NRG3: variants seen among roughly 807,000 people sequenced by gnomAD.
NRG3 encodes neuregulin 3.
A neutral mutation model predicts 66.9 loss-of-function variants in NRG3; 31 were observed. The ratio of observed to expected loss-of-function variants is 0.46; its 90% CI spans 0.35 to 0.63. The LOEUF (loss-of-function observed/expected upper bound fraction) is 0.63, where lower values mean the gene tolerates loss of function less well. NRG3 is among the 20% of genes least tolerant of loss of function. The pLI is 0.00. For missense variants in NRG3, 910 were observed against 878.9 expected (o/e 1.04, Z -0.45); for synonymous variants, 393 against 359.4 (o/e 1.09, Z -1.06).
chr10:81,875,478 C>T lies in NRG3; in HGVS notation c.138C>T (p.Ala46=), dbSNP rs1841534767. The change falls in exon 1 of 9, where the codon GCC becomes GCT. Residue 46 remains alanine (A), a synonymous_variant. Transcript: ENST00000372141. This position sits in a 1 kb window ranked among gnomAD's most constrained non-coding sequence, Gnocchi z 5.3. ...GGPDGGGEGA[A]EPPRELRCSD... ...CGGACGGCGGCGGCGAAGGGGCGGC[C>T]GAGCCCCCCCGGGAGTTACGCTGTA... The T allele has an allele frequency of 1.5e-6, 2 of 1,331,420 alleles. No homozygotes were observed. The highest frequency in any genetic ancestry group is 5.3e-5 in the Admixed American group (2 of 37,824). The allele number at this position is 1,331,420 out of a possible 1,614,324, so 82.5% of individuals were successfully genotyped here.
intron 6 of NRG3, among the ~76,000 whole-genome samples, chr10:82,970,582 T>C (rs1249801919): frequency 6.6e-6 from 1 of 152,178 alleles, no homozygotes; most frequent in Non-Finnish European, 1.5e-5. Flanking sequence ...TTGCCTTTCA[T>C]TTTTTTCCAG....
rs114479752 is a variant in NRG3 at position 82,625,831 on chromosome 10, A to C, written c.954-112746A>C. ...TGGTAAAATATGTCACCACTAGAGC[A>C]ACAACTATGATGCAAGAAGGAACAG... On this transcript the variant is annotated intron_variant, in intron 2 of 8. Transcript: ENST00000372141. Among the ~76,000 whole-genome samples, 1,237 of 152,316 alleles carry C rather than the reference A, an allele frequency of 8.1e-3. 17 individuals are homozygous for C. The highest frequency in any genetic ancestry group is 0.028 in the African/African-American group (1,152 of 41,580).
At chr10:82,761,977 C>CTTTTA (rs1256899638) in intron 3 of NRG3, among the ~76,000 whole-genome samples, 1 of 65,796 alleles carries the variant, frequency 1.5e-5, no homozygotes, top group African/African-American at 5.6e-5. Flanking sequence ...TCTTTCTTTT[C>CTTTTA]TTTCTTTCTT....
intron 1 of NRG3, among the ~76,000 whole-genome samples, chr10:82,012,306 C>CT (rs1161578208): frequency 2.0e-5 from 3 of 152,074 alleles, no homozygotes; most frequent in African/African-American, 7.2e-5. Context: ...GACACCAAGT[C>CT]CCTAGGCTAC....
At chr10:82,447,649 A>C (rs534488272) in intron 2 of NRG3, among the ~76,000 whole-genome samples, 11 of 152,224 alleles carry the variant, frequency 7.2e-5, no homozygotes, top group Non-Finnish European at 1.3e-4. Flanking sequence ...AATTTGCCTC[A>C]TTGTTGTATT....
chr10:82,831,297 T>C (rs1226089130), intron 3 of NRG3, among the ~76,000 whole-genome samples: 2 of 152,150 alleles, frequency 1.3e-5, no homozygotes, highest in African/African-American at 2.4e-5. Context: ...ACTTAACTGA[T>C]AGGAGTCAGA....
At chr10:81,931,001 T>C (rs1847292559) in intron 1 of NRG3, among the ~76,000 whole-genome samples, 1 of 152,186 alleles carries the variant, frequency 6.6e-6, no homozygotes, top group Non-Finnish European at 1.5e-5. Context: ...TCAAGCTGGT[T>C]AAACTTCTAT....
chr10:82,123,121 T>C (rs1237909086), intron 1 of NRG3, among the ~76,000 whole-genome samples: 24 of 152,156 alleles, frequency 1.6e-4, no homozygotes, highest in Admixed American at 1.6e-3. Flanking sequence ...AACTTTGGTC[T>C]CCTATGTTAT....
intron 1 of NRG3, among the ~76,000 whole-genome samples, chr10:82,113,185 T>C (rs974061737): frequency 6.6e-6 from 1 of 152,136 alleles, no homozygotes; most frequent in African/African-American, 2.4e-5. Flanking sequence ...TAAATGCTTT[T>C]CATGTGTTAT....
At chr10:81,976,257 A>G (rs2060121740) in intron 1 of NRG3, among the ~76,000 whole-genome samples, 1 of 152,046 alleles carries the variant, frequency 6.6e-6, no homozygotes, top group Admixed American at 6.6e-5. Flanking sequence ...AAAGAGAGAG[A>G]AAGCCCTTTG....
chr10:82,404,063 C>T (rs1008803537), intron 2 of NRG3, among the ~76,000 whole-genome samples: 49 of 152,148 alleles, frequency 3.2e-4, no homozygotes, highest in Non-Finnish European at 1.9e-4. Flanking sequence ...TGAAAGTGAG[C>T]TCTGCCATTC....
chr10:82,056,194 G>A (rs2063839206), intron 1 of NRG3, among the ~76,000 whole-genome samples: 1 of 152,110 alleles, frequency 6.6e-6, no homozygotes, highest in Non-Finnish European at 1.5e-5. Flanking sequence ...ACAATGGCAT[G>A]AGAGATGGTT....
At chr10:82,753,025 A>C (rs1039767261) in intron 3 of NRG3, among the ~76,000 whole-genome samples, 2 of 152,186 alleles carry the variant, frequency 1.3e-5, no homozygotes, top group African/African-American at 4.8e-5. Context: ...AAATTTCTAA[A>C]GTGGAAAATG....
intron 1 of NRG3, among the ~76,000 whole-genome samples, chr10:81,943,196 A>C (rs1848546801): frequency 1.3e-5 from 2 of 151,794 alleles, no homozygotes; most frequent in Admixed American, 1.3e-4. Context: ...AGCCTGGACA[A>C]CATAGAAAGA....
intron 1 of NRG3, among the ~76,000 whole-genome samples, chr10:82,064,047 C>T (rs1293037973): frequency 6.6e-6 from 1 of 152,112 alleles, no homozygotes; most frequent in East Asian, 1.9e-4. Context: ...TGATGTTGTA[C>T]CTCATGTCAA....
At chr10:82,795,149 AT>A (rs1174754059) in intron 3 of NRG3, among the ~76,000 whole-genome samples, 1 of 152,244 alleles carries the variant, frequency 6.6e-6, no homozygotes, top group Non-Finnish European at 1.5e-5. Context: ...ATTGATGGTA[AT>A]TTGATATCAC....
At chr10:82,577,404 A>G (rs1180724724) in intron 2 of NRG3, among the ~76,000 whole-genome samples, 1 of 151,828 alleles carries the variant, frequency 6.6e-6, no homozygotes, top group African/African-American at 2.4e-5. Context: ...GAATAAGAAC[A>G]AATTTTACAA....
chr10:82,925,104 G>A (rs1341403790), intron 4 of NRG3, among the ~76,000 whole-genome samples: 1 of 152,052 alleles, frequency 6.6e-6, no homozygotes, highest in Non-Finnish European at 1.5e-5. Context: ...CTGAGACTAG[G>A]GGAAGACAAA....
At chr10:82,141,880 T>C (rs571221366) in intron 1 of NRG3, among the ~76,000 whole-genome samples, 1 of 152,340 alleles carries the variant, frequency 6.6e-6, no homozygotes, top group South Asian at 2.1e-4. Context: ...GCATTTCACC[T>C]GTCCTTTACC....
Sources: allele counts gnomAD v4.1 joint callset (sites outside exome capture counted in the v4.1 genomes callset), GRCh38; gene constraint gnomAD v4.1.1; non-coding constraint Gnocchi (gnomAD v3.1); transcripts MANE v1.5; gene names NCBI Gene and HGNC (gene_info 2026-07-23, HGNC 2026-07-21).